The following TAOK1 variants were observed in gnomAD, a reference collection of about 807,000 sequenced individuals.
TAOK1 encodes the protein serine/threonine-protein kinase TAO1.
Under a neutral mutation model 138.3 loss-of-function variants are expected in TAOK1, and 21 were observed. That is an observed-to-expected ratio of 0.15 (90% CI 0.11 to 0.22). TAOK1 has a LOEUF of 0.22. TAOK1 is among the 10% of genes least tolerant of loss of function. The pLI, the probability that TAOK1 is intolerant of heterozygous loss-of-function variation, is 1.00. For missense variants in TAOK1, 651 were observed against 1,227.7 expected (o/e 0.53, Z 7.02); for synonymous variants, 361 against 398.4 (o/e 0.91, Z 1.12).
chr17:29,524,699 T>TGA (rs2031978791), intron 17 of TAOK1, among the ~76,000 whole-genome samples: 1 of 152,244 alleles, frequency 6.6e-6, no homozygotes, highest in African/African-American at 2.4e-5. Context: ...CGTTGCCTCT[T>TGA]TCAATTTTCT....
At chr17:29,541,583 C>G (rs1345670495) in intron 19 of TAOK1, among the ~76,000 whole-genome samples, 1 of 150,730 alleles carries the variant, frequency 6.6e-6, no homozygotes, top group African/African-American at 2.4e-5. Context: ...CAAGATCAGC[C>G]TTGCCAACAT....
chr17:29,536,567 T>A (rs1409236807), intron 19 of TAOK1, among the ~76,000 whole-genome samples: 1 of 150,628 alleles, frequency 6.6e-6, no homozygotes, highest in Non-Finnish European at 1.5e-5. Context: ...GCCACTGCAC[T>A]CCAGCCTGGG....
chr17:29,397,607 C>CCTCAAA (rs60665025), intron 1 of TAOK1, among the ~76,000 whole-genome samples: 1 of 94,616 alleles, frequency 1.1e-5, no homozygotes, highest in South Asian at 3.3e-4. Flanking sequence ...CGTCCCCCCC[C>CCTCAAA]AAAAAAATAT....
intron 1 of TAOK1, among the ~76,000 whole-genome samples, chr17:29,408,812 A>C (rs1261468454): frequency 2.0e-5 from 3 of 151,734 alleles, no homozygotes; most frequent in Non-Finnish European, 4.4e-5. Context: ...TCCTGGGTTC[A>C]AGCAATTCTC....
At chr17:29,395,678 A>G (rs1904573822) in intron 1 of TAOK1, among the ~76,000 whole-genome samples, 1 of 135,108 alleles carries the variant, frequency 7.4e-6, no homozygotes, top group African/African-American at 2.8e-5. Flanking sequence ...TGAATTTGAG[A>G]CAGGGTTTTT....
intron 2 of TAOK1, among the ~76,000 whole-genome samples, chr17:29,455,588 G>A (rs2030356655): frequency 6.6e-6 from 1 of 150,474 alleles, no homozygotes; most frequent in African/African-American, 2.5e-5. Flanking sequence ...TTACTATTGA[G>A]TATGGTGTTA....
chr17:29,467,598 A>G (rs907904827), intron 3 of TAOK1, among the ~76,000 whole-genome samples: 1 of 151,980 alleles, frequency 6.6e-6, no homozygotes, highest in African/African-American at 2.4e-5. Flanking sequence ...TTGGTATGTT[A>G]GAGGAAGACA....
intron 1 of TAOK1, among the ~76,000 whole-genome samples, chr17:29,395,985 A>T (rs886988906): frequency 6.6e-6 from 1 of 151,840 alleles, no homozygotes; most frequent in African/African-American, 2.4e-5. Flanking sequence ...CGTACTTACT[A>T]TTAATGGTTG....
intron 14 of TAOK1, among the ~76,000 whole-genome samples, chr17:29,509,538 A>G (rs1393341856): frequency 6.6e-6 from 1 of 152,028 alleles, no homozygotes; most frequent in Non-Finnish European, 1.5e-5. Context: ...AGGCGATACT[A>G]ACATATTTAG....
At chr17:29,414,207 A>G (rs1292463087) in intron 1 of TAOK1, among the ~76,000 whole-genome samples, 1 of 149,356 alleles carries the variant, frequency 6.7e-6, no homozygotes, top group Non-Finnish European at 1.5e-5. Flanking sequence ...TTTACTTAGC[A>G]TAGTGTTTTT....
At chr17:29,432,723 C>T (rs1041973923) in intron 1 of TAOK1, among the ~76,000 whole-genome samples, 6 of 151,712 alleles carry the variant, frequency 4.0e-5, no homozygotes, top group African/African-American at 1.5e-4. Context: ...GATCCACCCA[C>T]CTTGGCCTCC....
intron 19 of TAOK1, 65 bp downstream of exon 19, chr17:29,534,365 T>C (rs2032186657): frequency 7.3e-7 from 1 of 1,362,170 alleles, no homozygotes; most frequent in Admixed American, 3.0e-5. Context: ...GTTTTATAAA[T>C]ATATTTTCAT....
intron 18 of TAOK1, among the ~76,000 whole-genome samples, chr17:29,533,246 G>A (rs1001141698): frequency 5.5e-5 from 8 of 145,468 alleles, no homozygotes; most frequent in African/African-American, 7.7e-5. Flanking sequence ...GACGATGGGC[G>A]GCCGGGCAGA....
chr17:29,397,607 C>CCGCAAAAAA (rs60665025), intron 1 of TAOK1, among the ~76,000 whole-genome samples: 2 of 94,614 alleles, frequency 2.1e-5, no homozygotes, highest in East Asian at 5.6e-4. Context: ...CGTCCCCCCC[C>CCGCAAAAAA]AAAAAAATAT....
chr17:29,539,663 C>G (rs13313580), intron 19 of TAOK1, among the ~76,000 whole-genome samples: 1,631 of 152,158 alleles, frequency 0.011, 35 homozygotes, highest in African/African-American at 0.037. Flanking sequence ...CTCGAACTCC[C>G]GACCTCAGGT....
chr17:29,437,038 A>G (rs1003447717), intron 1 of TAOK1, among the ~76,000 whole-genome samples: 6 of 89,802 alleles, frequency 6.7e-5, no homozygotes, highest in Admixed American at 6.2e-4. Context: ...CAAAAAGTTT[A>G]AAGAAGAAAA....
At position 29,508,101 on chromosome 17, in the gene TAOK1, T is replaced by A. The variant is rs772905182; in HGVS notation, c.1544T>A (p.Ile515Asn). The change falls in exon 14 of 20, where the codon ATC (isoleucine) becomes AAC (asparagine). Residue 515 changes from isoleucine (I) to asparagine (N), a missense_variant. By Grantham distance (149) the Ile-to-Asn change is moderately radical (BLOSUM62 -3). Around this residue, in one of 8 missense-constraint regions of TAOK1, gnomAD observed 258 missense variants for 548.9 expected, o/e 0.47. Transcript: ENST00000261716. ...TTTGCTGCAGAAATGGAGAAACTTA[T>A]CAAGAAACACCAGGCTGCCATGGAG... is the stretch of plus-strand genomic sequence containing the variant. ...NNFAAEMEKL[I>N]KKHQAAMEKE... 1 of 1,613,954 alleles carries A rather than the reference T, an allele frequency of 6.2e-7. No homozygotes were observed. The highest frequency in any genetic ancestry group is 1.3e-5 in the African/African-American group (1 of 74,916).
intron 9 of TAOK1, among the ~76,000 whole-genome samples, chr17:29,490,103 G>A (rs552516359): frequency 6.8e-6 from 1 of 146,718 alleles, no homozygotes; most frequent in South Asian, 2.2e-4. Context: ...TAAAATATAT[G>A]TATTATTACA....
chr17:29,465,837 CT>C (rs3058623), intron 2 of TAOK1, among the ~76,000 whole-genome samples: 86 of 45,424 alleles, frequency 1.9e-3, no homozygotes, highest in African/African-American at 2.2e-3. Flanking sequence ...AGTTTCTGTG[CT>C]TTTTTTTTTT....
Sources: gnomAD v4.1 joint callset for allele counts (sites outside exome capture counted in the v4.1 genomes callset) on GRCh38, gnomAD v4.1.1 for gene constraint, gnomAD v4.1.1 regional missense constraint, MANE v1.5 for transcripts, NCBI Gene and HGNC (gene_info 2026-07-23, HGNC 2026-07-21) for gene names.